ZNF395: variants seen among roughly 807,000 people sequenced by gnomAD.
The protein encoded by ZNF395 is HD gene regulatory region-binding protein 2.
A neutral mutation model predicts 57.7 loss-of-function variants in ZNF395; 20 were observed. The observed-to-expected ratio is 0.35, with a 90% CI of 0.24 to 0.50. The LOEUF (loss-of-function observed/expected upper bound fraction) is 0.50, where lower values mean the gene tolerates loss of function less well. Among genes scored for constraint, ZNF395 ranks in the 20% least tolerant of loss-of-function variants. The pLI is 0.97. For missense variants in ZNF395, 606 were observed against 671.2 expected (o/e 0.90, Z 1.07); for synonymous variants, 295 against 275.9 (o/e 1.07, Z -0.69).
intron 1 of ZNF395, among the ~76,000 whole-genome samples, chr8:28,371,636 T>C (rs533491182): frequency 6.6e-6 from 1 of 152,212 alleles, no homozygotes; most frequent in African/African-American, 2.4e-5. Flanking sequence ...ACGGGAAATG[T>C]GCATTATGAC....
intron 1 of ZNF395, among the ~76,000 whole-genome samples, chr8:28,378,728 T>C (rs185390595): frequency 6.6e-4 from 100 of 152,328 alleles, no homozygotes; most frequent in Non-Finnish European, 1.0e-3. Flanking sequence ...ATTAAATAAC[T>C]GACCCTCTAA....
rs1224685403 is a variant in ZNF395 at position 28,348,432 on chromosome 8, C to T, written c.*287G>A. ...CCCTAGAGAGTGGGGATGTGGGAAA[C>T]GGAGGGTAATTAATTCTTTGGTCAC... On this transcript the variant is annotated 3_prime_UTR_variant, in exon 10 of 10. Transcript: ENST00000344423. 2.3e-5 allele frequency: 9 copies of T among 399,466 alleles called. No homozygotes were observed. In the Middle Eastern group the frequency reaches 2.4e-3, roughly 106 times the overall value. 24.7% of individuals were successfully genotyped at this position (399,466 alleles called of 1,614,324 possible).
chr8:28,353,021 C>T, intron 5 of ZNF395, 152 bp downstream of exon 5: 1 of 689,768 alleles, frequency 1.4e-6, no homozygotes, highest in Non-Finnish European at 2.5e-6. Flanking sequence ...GGGAATATCA[C>T]CAGGTAACAG....
intron 8 of ZNF395, 63 bp downstream of exon 8, chr8:28,350,001 C>A: frequency 6.9e-7 from 1 of 1,450,592 alleles, no homozygotes; most frequent in East Asian, 2.5e-5. Context: ...GGCCTCCAGC[C>A]CTGGGATGTG....
At chr8:28,379,842 T>TAAA (rs748360582) in intron 1 of ZNF395, among the ~76,000 whole-genome samples, 1 of 123,976 alleles carries the variant, frequency 8.1e-6, no homozygotes, top group Non-Finnish European at 1.7e-5. Flanking sequence ...ATACAAACGT[T>TAAA]AAAAAAAAAA....
chr8:28,351,614 G>A lies in ZNF395; in HGVS notation c.1114C>T (p.His372Tyr). The change falls in exon 7 of 10, where the codon CAC (histidine) becomes TAC (tyrosine). Residue 372 changes from histidine (H) to tyrosine (Y), a missense_variant. By Grantham distance (83) the His-to-Tyr change is moderately conservative. This residue lies in a region of ZNF395 where 261 missense variants were observed against 240.3 expected (regional missense o/e 1.09). Coordinates refer to ENST00000344423, the MANE Select transcript of ZNF395 (RefSeq NM_018660.3). The part of the protein sequence containing the change: ...LPLSALPPPL[H>Y]KAQSSGPEHP... Reference sequence around the variant, plus strand: ...TCTGGGCCGGAGGACTGGGCTTTGTGCAGAGGTGGTGGAAGAGCAGACAGA... The same window carrying A: ...TCTGGGCCGGAGGACTGGGCTTTGTACAGAGGTGGTGGAAGAGCAGACAGA... 1 of 1,613,682 alleles carries A rather than the reference G, an allele frequency of 6.2e-7. No homozygotes were observed. The highest frequency in any genetic ancestry group is 1.1e-5 in the South Asian group (1 of 91,088).
chr8:28,347,834 GTC>G lies in ZNF395; in HGVS notation c.*883_*884del, dbSNP rs1563334809. The G allele has an allele frequency of 1.3e-5, 2 of 152,232 alleles. No homozygotes were observed. Among genetic ancestry groups the G allele is most frequent in the African/African-American group, 4.8e-5 (2 of 41,448 alleles). 9.4% of individuals were successfully genotyped at this position (152,232 alleles called of 1,614,324 possible). ...AAAGAAAACAAAGCATTTCTGAGGC[GTC>G]CTTTCAATAACCGGAGGAAGGCGGC... On this transcript the variant is annotated 3_prime_UTR_variant, in exon 10 of 10. Coordinates refer to ENST00000344423, the MANE Select transcript of ZNF395 (RefSeq NM_018660.3).
intron 1 of ZNF395, among the ~76,000 whole-genome samples, chr8:28,362,572 A>G (rs572804693): frequency 6.8e-6 from 1 of 146,414 alleles, no homozygotes; most frequent in South Asian, 2.3e-4. Context: ...CACCCACCTG[A>G]AGAAGACACC....
In ZNF395 at chr8:28,356,923, A is replaced by G. The variant is rs1801787639; in HGVS notation, c.474-144T>C. 3 of 632,658 alleles carry G rather than the reference A, an allele frequency of 4.7e-6. No individual in the cohort carries two copies. The highest frequency in any genetic ancestry group is 2.8e-5 in the Admixed American group (1 of 35,972). The allele number at this position is 632,658 out of a possible 1,614,324, so 39.2% of individuals were successfully genotyped here. On this transcript the variant is annotated intron_variant, in intron 3 of 9. Transcript: ENST00000344423. The surrounding 1 kb of genome is among the most constrained non-coding windows in gnomAD (Gnocchi z 4.0). The stretch of plus-strand genomic sequence containing the variant: ...TCCCCTCCAAGTGCCCCCAACTCCA[A>G]TCAGCCAGTGTGTGCTCAGATCATA...
chr8:28,354,409 G>A (rs544283508), intron 4 of ZNF395, among the ~76,000 whole-genome samples: 1 of 152,274 alleles, frequency 6.6e-6, no homozygotes, highest in Middle Eastern at 3.4e-3. Flanking sequence ...CTCCCAACAG[G>A]GGCGTTCCAC....
intron 1 of ZNF395, among the ~76,000 whole-genome samples, chr8:28,366,925 G>C (rs1296571230): frequency 6.6e-6 from 1 of 151,870 alleles, no homozygotes; most frequent in Non-Finnish European, 1.5e-5. Context: ...CTTAGCAAGA[G>C]CATCAAAAGC....
intron 1 of ZNF395, among the ~76,000 whole-genome samples, chr8:28,370,323 T>C (rs529243371): frequency 8.5e-5 from 13 of 152,124 alleles, no homozygotes; most frequent in Non-Finnish European, 1.6e-4. Context: ...TTTAAATACA[T>C]AGTGGAAAAT....
chr8:28,363,547 G>A (rs529590535), intron 1 of ZNF395, among the ~76,000 whole-genome samples: 37 of 152,238 alleles, frequency 2.4e-4, no homozygotes, highest in South Asian at 1.2e-3. Context: ...AGGATCCAGA[G>A]GTGAAGTCGC....
rs534652382 is a variant in ZNF395 at position 28,347,950 on chromosome 8, T to A, written c.*769A>T. 1.3e-5 allele frequency: 2 copies of A among 152,346 alleles called. No individual in the cohort carries two copies. The highest frequency in any genetic ancestry group is 4.1e-4 in the South Asian group (2 of 4,826). 9.4% of individuals were successfully genotyped at this position (152,346 alleles called of 1,614,324 possible). ...TCCTCGAGGAAAGAGGAGAGAATGA[T>A]CAAGGTAGTGTTTAACTGCCACATT... is the stretch of plus-strand genomic sequence containing the variant. On this transcript the variant is annotated 3_prime_UTR_variant, in exon 10 of 10. Coordinates refer to ENST00000344423, the MANE Select transcript of ZNF395 (RefSeq NM_018660.3).
Position 28,352,441 on chromosome 8 carries a change from A to C in ZNF395, c.920+132T>G. ...AGGATGTCTTTCTCAGGGGGCCAGG[A>C]AGAGACACCAGGGGGTGTTCCCAGC... On this transcript the variant is annotated intron_variant, in intron 6 of 9. Transcript: ENST00000344423. The surrounding 1 kb of genome is among the most constrained non-coding windows in gnomAD (Gnocchi z 4.0). 2 of 679,882 alleles carry C rather than the reference A, an allele frequency of 2.9e-6. No individual in the cohort carries two copies. The highest frequency in any genetic ancestry group is 5.0e-6 in the Non-Finnish European group (2 of 397,298). 42.1% of individuals were successfully genotyped at this position (679,882 alleles called of 1,614,324 possible). A position where few individuals can be genotyped will look rare whatever the true frequency, so the allele number is the denominator to read the frequency against.
At chr8:28,370,681 AGAAG>A (rs1275833226) in intron 1 of ZNF395, among the ~76,000 whole-genome samples, 2 of 152,212 alleles carry the variant, frequency 1.3e-5, no homozygotes, top group Non-Finnish European at 2.9e-5. Flanking sequence ...GAGTTTTCAG[AGAAG>A]GAAGGGATAA....
chr8:28,362,091 CAAA>C (rs111833441), intron 1 of ZNF395, among the ~76,000 whole-genome samples: 6 of 124,974 alleles, frequency 4.8e-5, no homozygotes, highest in Non-Finnish European at 3.5e-5. Context: ...GACTCAGACT[CAAA>C]AAAAAAAAAA....
rs1801599766 is a variant in ZNF395, at chr8:28,346,344, A to G, written c.*2375T>C. 2 of 152,140 alleles carry G rather than the reference A, an allele frequency of 1.3e-5. No individual in the cohort carries two copies. Among genetic ancestry groups the G allele is most frequent in the African/African-American group, 4.8e-5 (2 of 41,408 alleles). 9.4% of individuals were successfully genotyped at this position (152,140 alleles called of 1,614,324 possible). A position where few individuals can be genotyped will look rare whatever the true frequency, so the allele number is the denominator to read the frequency against. On this transcript the variant is annotated 3_prime_UTR_variant, in exon 10 of 10. Coordinates refer to ENST00000344423, the MANE Select transcript of ZNF395 (RefSeq NM_018660.3). ...GTTCCCAAGCCACCCTCACCCTCCA[A>G]GAAGGCATGAATGGAACAACCCCGA...
intron 1 of ZNF395, among the ~76,000 whole-genome samples, chr8:28,365,976 C>CGGTGTGTGT (rs1801905511): frequency 6.6e-6 from 1 of 152,226 alleles, no homozygotes; most frequent in Non-Finnish European, 1.5e-5. Flanking sequence ...CGTGCACACA[C>CGGTGTGTGT]ACACGCACGG....
Sources: allele counts gnomAD v4.1 joint callset (sites outside exome capture counted in the v4.1 genomes callset), GRCh38; gene constraint gnomAD v4.1.1; regional missense constraint gnomAD v4.1.1; non-coding constraint Gnocchi (gnomAD v3.1); transcripts MANE v1.5; gene names NCBI Gene and HGNC (gene_info 2026-07-23, HGNC 2026-07-21).